Variants in YIPF1 observed in about 807,000 individuals in gnomAD.
YIPF1 encodes Yip1 domain family member 1.
In YIPF1, 22 loss-of-function variants were observed where a neutral mutation model predicts 37.0. The ratio of observed to expected loss-of-function variants is 0.59; its 90% CI spans 0.42 to 0.85. The LOEUF (loss-of-function observed/expected upper bound fraction) is 0.85. Among genes scored for constraint, YIPF1 ranks in the 40% least tolerant of loss-of-function variants. The pLI is 0.00. For missense variants in YIPF1, 355 were observed against 373.1 expected (o/e 0.95, Z 0.40); for synonymous variants, 128 against 131.9 (o/e 0.97, Z 0.21).
chr1:53,864,753 G>A (rs894501155), intron 9 of YIPF1, among the ~76,000 whole-genome samples: 3 of 151,998 alleles, frequency 2.0e-5, no homozygotes, highest in Admixed American at 2.0e-4. Context: ...TAAGGCCGTG[G>A]GCAGCAAATT....
intron 6 of YIPF1, among the ~76,000 whole-genome samples, chr1:53,874,470 T>A (rs1238758196): frequency 1.3e-5 from 2 of 152,134 alleles, no homozygotes; most frequent in African/African-American, 4.8e-5. Flanking sequence ...ATGTCACTTT[T>A]AAAAAATATT....
intron 3 of YIPF1, among the ~76,000 whole-genome samples, chr1:53,885,190 A>G (rs1650612597): frequency 6.6e-6 from 1 of 152,242 alleles, no homozygotes; most frequent in East Asian, 1.9e-4. Flanking sequence ...GATTTTGAGG[A>G]TGATGAAATA....
At chr1:53,855,501 C>A (rs150419110) in intron 10 of YIPF1, among the ~76,000 whole-genome samples, 61 of 152,294 alleles carry the variant, frequency 4.0e-4, no homozygotes, top group African/African-American at 1.4e-3. Context: ...ATTACAAGTA[C>A]AGTCCCACAC....
intron 10 of YIPF1, among the ~76,000 whole-genome samples, chr1:53,856,753 G>C (rs72662349): frequency 0.012 from 1,850 of 152,302 alleles, 25 homozygotes; most frequent in Non-Finnish European, 0.015. Flanking sequence ...TATATGGATT[G>C]ACAACAGTAT....
chr1:53,857,470 T>A (rs1281035900), intron 10 of YIPF1, among the ~76,000 whole-genome samples: 3 of 152,210 alleles, frequency 2.0e-5, no homozygotes, highest in African/African-American at 7.2e-5. Flanking sequence ...AGTGAGAACC[T>A]GCACGTTTTA....
Position 53,887,078 on chromosome 1 carries a change from C to T in YIPF1, c.31+1829G>A, listed in dbSNP as rs573349406. ...GCCACAGTAAGGGCTCTGGCTTTTT[C>T]GTTTTTGTGTTTGTTTGTTTATGTT... On this transcript the variant is annotated intron_variant, in intron 3 of 10. Transcript: ENST00000072644. Among the ~76,000 whole-genome samples, 275 of 151,934 alleles carry T rather than the reference C, an allele frequency of 1.8e-3. 6 individuals carry two copies. Among genetic ancestry groups the T allele is most frequent in the African/African-American group, 6.2e-3 (254 of 41,292 alleles).
intron 10 of YIPF1, chr1:53,855,058 A>C (rs191698760): frequency 6.6e-6 from 1 of 151,682 alleles, no homozygotes; most frequent in East Asian, 1.9e-4. Context: ...AGTCCTGAAA[A>C]ATAAACAGGA....
intron 9 of YIPF1, among the ~76,000 whole-genome samples, chr1:53,865,611 C>A (rs545581566): frequency 0.021 from 3,123 of 152,048 alleles, 107 homozygotes; most frequent in African/African-American, 0.071. Flanking sequence ...ACCCCCATAC[C>A]AAGGAACAAA....
intron 3 of YIPF1, among the ~76,000 whole-genome samples, chr1:53,888,335 T>C (rs1650711099): frequency 6.6e-6 from 1 of 152,200 alleles, no homozygotes; most frequent in Admixed American, 6.5e-5. Context: ...ACTTTCATAG[T>C]TTGTAGGTAT....
At chr1:53,857,177 T>C (rs1649740810) in intron 10 of YIPF1, among the ~76,000 whole-genome samples, 1 of 152,202 alleles carries the variant, frequency 6.6e-6, no homozygotes. Flanking sequence ...GCAGATCTTT[T>C]CCCAGTCTAG....
Position 53,878,722 on chromosome 1 carries a change from A to T in YIPF1, c.196T>A (p.Leu66Ile). 3.1e-6 allele frequency: 5 copies of T among 1,591,030 alleles called. No individual in the cohort carries two copies. The highest frequency in any genetic ancestry group is 4.3e-6 in the Non-Finnish European group (5 of 1,175,010). The change falls in exon 5 of 11, where the codon TTA becomes ATA. Residue 66 changes from leucine (L) to isoleucine (I), a missense_variant and splice_region_variant. Leu to Ile is a conservative substitution (Grantham distance 5). Transcript: ENST00000072644. ...GAGCTTTTCTTCTGTCCAGCAAGTA[A>T]CTGTCAGAAATAAAATAAAACATAA... Reference protein sequence around the residue: ...LGNDDSDKTELLAGQKKSSPF... With the variant: ...LGNDDSDKTEILAGQKKSSPF...
intron 6 of YIPF1, among the ~76,000 whole-genome samples, chr1:53,874,217 C>G (rs369614630): frequency 2.6e-5 from 4 of 152,098 alleles, no homozygotes; most frequent in Non-Finnish European, 5.9e-5. Context: ...CCAGCTACCC[C>G]CAGTGGAAGG....
chr1:53,887,670 T>C (rs1211915703), intron 3 of YIPF1, among the ~76,000 whole-genome samples: 5 of 150,172 alleles, frequency 3.3e-5, no homozygotes, highest in Non-Finnish European at 5.9e-5. Flanking sequence ...GCAAATGAAA[T>C]AGATTTATCT....
chr1:53,853,972 A>T (rs1403550697), intron 10 of YIPF1, among the ~76,000 whole-genome samples: 1 of 152,164 alleles, frequency 6.6e-6, no homozygotes, highest in Admixed American at 6.5e-5. Flanking sequence ...CTTCTCAGGT[A>T]GGCATGGTGA....
At position 53,860,092 on chromosome 1, in the gene YIPF1, T is replaced by C. The variant is rs758973672; in HGVS notation, c.893A>G (p.Gln298Arg). Reference protein sequence around the residue: ...HLPTTTATPNQTVAAAKSS With the variant: ...HLPTTTATPNRTVAAAKSS Reference sequence around the variant, plus strand: ...GCTGGACTTGGCTGCAGCAACTGTTTGGTTTGGAGTAGCTGTAGTTGTTGG... The same window carrying C: ...GCTGGACTTGGCTGCAGCAACTGTTCGGTTTGGAGTAGCTGTAGTTGTTGG... The change falls in exon 10 of 11, where the codon CAA becomes CGA. Residue 298 changes from glutamine (Q) to arginine (R), a missense_variant. Transcript: ENST00000072644. The C allele has an allele frequency of 1.2e-6, 2 of 1,614,120 alleles. No homozygotes were observed. Among genetic ancestry groups the C allele is most frequent in the Non-Finnish European group, 1.7e-6 (2 of 1,180,000 alleles).
Position 53,888,943 on chromosome 1 carries a change from C to G in YIPF1, c.-6G>C. ...AAGTCATCTACTGCTGCCATTCGGC[C>G]AGTGAGTCTTCTCCCAATTATGAGG... is the stretch of plus-strand genomic sequence containing the variant. On this transcript the variant is annotated 5_prime_UTR_variant, in exon 3 of 11. Coordinates refer to ENST00000072644, the MANE Select transcript of YIPF1 (RefSeq NM_018982.5). The G allele has an allele frequency of 6.3e-7, 1 of 1,597,108 alleles. No individual in the cohort carries two copies. Among genetic ancestry groups the G allele is most frequent in the Non-Finnish European group, 8.6e-7 (1 of 1,166,256 alleles).
chr1:53,866,077 G>A, intron 9 of YIPF1, 123 bp downstream of exon 9: 2 of 1,259,940 alleles, frequency 1.6e-6, no homozygotes, highest in Middle Eastern at 2.0e-4. Flanking sequence ...TGGGATTATG[G>A]GTGTGAGCCA....
chr1:53,868,179 C>CT (rs1650082940), intron 7 of YIPF1, among the ~76,000 whole-genome samples: 1 of 152,184 alleles, frequency 6.6e-6, no homozygotes, highest in African/African-American at 2.4e-5. Flanking sequence ...GATGTACTGC[C>CT]TTTTTCTTGG....
chr1:53,873,310 T>C (rs1270813834), intron 6 of YIPF1, among the ~76,000 whole-genome samples: 1 of 152,062 alleles, frequency 6.6e-6, no homozygotes, highest in South Asian at 2.1e-4. Context: ...AGCTGGGATC[T>C]AAAGAAGAAC....
Sources: gnomAD v4.1 joint callset for allele counts (sites outside exome capture counted in the v4.1 genomes callset) on GRCh38, gnomAD v4.1.1 for gene constraint, MANE v1.5 for transcripts, NCBI Gene and HGNC (gene_info 2026-07-23, HGNC 2026-07-21) for gene names.